The following KCTD8 variants were observed in gnomAD, a reference collection of about 807,000 sequenced individuals.
KCTD8 encodes BTB/POZ domain-containing protein KCTD8.
In KCTD8, 27 loss-of-function variants were observed where a neutral mutation model predicts 31.5. That is an observed-to-expected ratio of 0.86 (90% confidence interval 0.63 to 1.18). KCTD8 has a LOEUF of 1.18. Ranked by LOEUF, KCTD8 falls within the 50% of genes most tolerant of loss-of-function variation. The pLI, the probability that KCTD8 is intolerant of heterozygous loss-of-function variation, is 0.00. For missense variants in KCTD8, 658 were observed against 647.7 expected (o/e 1.02, Z -0.17); for synonymous variants, 290 against 280.0 (o/e 1.04, Z -0.36).
intron 1 of KCTD8, among the ~76,000 whole-genome samples, chr4:44,325,841 A>G (rs1718430179): frequency 6.6e-6 from 1 of 151,880 alleles, no homozygotes; most frequent in Non-Finnish European, 1.5e-5. Context: ...TAATCGAGCT[A>G]GTGTTATTAG....
chr4:44,260,491 A>G (rs560075589), intron 1 of KCTD8, among the ~76,000 whole-genome samples: 16 of 152,112 alleles, frequency 1.1e-4, no homozygotes, highest in African/African-American at 3.9e-4. Context: ...AGTCAGAGTA[A>G]GGGAACAGAG....
chr4:44,305,264 AG>A (rs1219877360), intron 1 of KCTD8, among the ~76,000 whole-genome samples: 4 of 151,740 alleles, frequency 2.6e-5, no homozygotes, highest in African/African-American at 9.6e-5. Context: ...AAAATATAAA[AG>A]TAATTATAAA....
At chr4:44,291,133 C>G (rs764325906) in intron 1 of KCTD8, among the ~76,000 whole-genome samples, 1 of 152,048 alleles carries the variant, frequency 6.6e-6, no homozygotes, top group African/African-American at 2.4e-5. Context: ...GATAGCATTA[C>G]AATTGATCCC....
chr4:44,379,873 A>G (rs1286528432), intron 1 of KCTD8, among the ~76,000 whole-genome samples: 1 of 152,068 alleles, frequency 6.6e-6, no homozygotes, highest in Non-Finnish European at 1.5e-5. Context: ...TTAAAATCAC[A>G]CTCAAAGCCT....
At chr4:44,414,258 A>G (rs1224877544) in intron 1 of KCTD8, among the ~76,000 whole-genome samples, 1 of 152,144 alleles carries the variant, frequency 6.6e-6, no homozygotes, top group African/African-American at 2.4e-5. Flanking sequence ...AACCAAGAAA[A>G]GAGACCCTGA....
At chr4:44,360,029 G>A (rs1303739605) in intron 1 of KCTD8, among the ~76,000 whole-genome samples, 1 of 151,980 alleles carries the variant, frequency 6.6e-6, no homozygotes, top group Admixed American at 6.6e-5. Context: ...CTCAGGGGTA[G>A]ACTACTTTCC....
chr4:44,429,660 T>C (rs1300274794), intron 1 of KCTD8, among the ~76,000 whole-genome samples: 1 of 151,868 alleles, frequency 6.6e-6, no homozygotes, highest in Non-Finnish European at 1.5e-5. Flanking sequence ...TTATTGTTTT[T>C]AATTAAAGGA....
intron 1 of KCTD8, among the ~76,000 whole-genome samples, chr4:44,382,994 T>C (rs905972859): frequency 1.3e-5 from 2 of 149,722 alleles, no homozygotes; most frequent in African/African-American, 2.5e-5. Context: ...AAATCAGTAA[T>C]GTTTCTATAC....
intron 1 of KCTD8, among the ~76,000 whole-genome samples, chr4:44,252,895 A>T (rs1022375306): frequency 1.3e-5 from 2 of 151,752 alleles, no homozygotes; most frequent in African/African-American, 4.8e-5. Context: ...CTCGAATAAT[A>T]TATGGAGTGA....
chr4:44,229,996 T>C (rs1715077748), intron 1 of KCTD8, among the ~76,000 whole-genome samples: 1 of 151,818 alleles, frequency 6.6e-6, no homozygotes, highest in Non-Finnish European at 1.5e-5. Context: ...CAGGCCCTGG[T>C]GTGGGATGTT....
intron 1 of KCTD8, among the ~76,000 whole-genome samples, chr4:44,308,495 T>C (rs1375233620): frequency 6.6e-6 from 1 of 152,120 alleles, no homozygotes; most frequent in African/African-American, 2.4e-5. Flanking sequence ...GAAAAAACTA[T>C]GCATAATTTA....
At chr4:44,401,720 CA>C (rs2109457226) in intron 1 of KCTD8, among the ~76,000 whole-genome samples, 1 of 152,258 alleles carries the variant, frequency 6.6e-6, no homozygotes, top group South Asian at 2.1e-4. Flanking sequence ...GAATGTTCAA[CA>C]CAGGACATAG....
intron 1 of KCTD8, among the ~76,000 whole-genome samples, chr4:44,422,723 A>G (rs935388045): frequency 6.6e-6 from 1 of 152,112 alleles, no homozygotes; most frequent in African/African-American, 2.4e-5. Context: ...TATAACACCT[A>G]TCAAATGCTG....
intron 1 of KCTD8, among the ~76,000 whole-genome samples, chr4:44,243,619 C>T (rs1248888659): frequency 6.6e-6 from 1 of 152,180 alleles, no homozygotes; most frequent in Non-Finnish European, 1.5e-5. Context: ...GTGTTCACAA[C>T]AACCCATTCA....
chr4:44,396,882 T>C (rs1577653780), intron 1 of KCTD8, among the ~76,000 whole-genome samples: 2 of 152,264 alleles, frequency 1.3e-5, no homozygotes, highest in South Asian at 4.1e-4. Context: ...GACCCCATTT[T>C]GTCCTTTGCC....
At chr4:44,259,319 C>T (rs1716094322) in intron 1 of KCTD8, among the ~76,000 whole-genome samples, 1 of 151,648 alleles carries the variant, frequency 6.6e-6, no homozygotes, top group Non-Finnish European at 1.5e-5. Context: ...ATAATTTATC[C>T]TTCAAATATA....
chr4:44,404,763 G>T (rs1331938866), intron 1 of KCTD8, among the ~76,000 whole-genome samples: 2 of 152,148 alleles, frequency 1.3e-5, no homozygotes, highest in Admixed American at 1.3e-4. Flanking sequence ...TATTCATTCA[G>T]ATTACATCAT....
chr4:44,390,781 GATA>G (rs1318861224), intron 1 of KCTD8, among the ~76,000 whole-genome samples: 1 of 151,934 alleles, frequency 6.6e-6, no homozygotes, highest in Non-Finnish European at 1.5e-5. Context: ...AATTGGCATT[GATA>G]ATAAAATAAT....
intron 1 of KCTD8, among the ~76,000 whole-genome samples, chr4:44,249,673 C>T (rs538413680): frequency 3.4e-4 from 52 of 151,902 alleles, no homozygotes; most frequent in African/African-American, 1.2e-3. Flanking sequence ...CAACTATGTA[C>T]AGTACCTGTA....
Sources: gnomAD v4.1 joint callset for allele counts (sites outside exome capture counted in the v4.1 genomes callset) on GRCh38, gnomAD v4.1.1 for gene constraint, MANE v1.5 for transcripts, NCBI Gene and HGNC (gene_info 2026-07-23, HGNC 2026-07-21) for gene names.